Variants in TP53BP1 observed in about 807,000 individuals in gnomAD.
TP53BP1 encodes tumor protein p53 binding protein 1.
Under a neutral mutation model 200.8 loss-of-function variants are expected in TP53BP1, and 61 were observed. The observed-to-expected ratio is 0.30, with a 90% CI of 0.25 to 0.38. The LOEUF (loss-of-function observed/expected upper bound fraction) is 0.38, where lower values mean the gene tolerates loss of function less well. TP53BP1 is among the 10% of genes least tolerant of loss of function. TP53BP1 has a pLI of 1.00. For synonymous variants in TP53BP1, 822 were observed against 844.3 expected (o/e 0.97, Z 0.46); for missense variants, 2,144 against 2,371.9 (o/e 0.90, Z 2.00).
Position 43,407,310 on chromosome 15 carries a change from A to G in TP53BP1, c.*73T>C, listed in dbSNP as rs1246037857. On this transcript the variant is annotated 3_prime_UTR_variant, in exon 28 of 28. Transcript: ENST00000382044. Reference sequence around the variant, plus strand: ...CATGCAAGGAATCCAGTTACACACAAGACACATTTAAAACCTGGTTAAAAC... The same window carrying G: ...CATGCAAGGAATCCAGTTACACACAGGACACATTTAAAACCTGGTTAAAAC... 3.8e-6 allele frequency: 5 copies of G among 1,330,208 alleles called. No homozygotes were observed. In the South Asian group the frequency reaches 3.9e-5, roughly 10 times the overall value. The allele number at this position is 1,330,208 out of a possible 1,614,324, so 82.4% of individuals were successfully genotyped here. A position where few individuals can be genotyped will look rare whatever the true frequency, so the allele number is the denominator to read the frequency against.
Position 43,403,649 on chromosome 15 carries a change from T to G in TP53BP1, c.*3734A>C. 1 of 1,489,042 alleles carries G rather than the reference T, an allele frequency of 6.7e-7. No homozygotes were observed. The highest frequency in any genetic ancestry group is 9.3e-7 in the Non-Finnish European group (1 of 1,069,776). 92.2% of individuals were successfully genotyped at this position (1,489,042 alleles called of 1,614,324 possible). On this transcript the variant is annotated 3_prime_UTR_variant, in exon 28 of 28. Transcript: ENST00000382044. ...TTTAACTTCATGGATGTACCTTCCT[T>G]CCTTTCCTAATGCCAACTCTGTTTC...
chr15:43,431,443 C>T (rs2045668911), intron 17 of TP53BP1, among the ~76,000 whole-genome samples: 1 of 152,120 alleles, frequency 6.6e-6, no homozygotes, highest in Admixed American at 6.6e-5. Context: ...CAAGGTCTCA[C>T]TATGTTGCCC....
chr15:43,486,089 T>C (rs1007248903), intron 4 of TP53BP1, among the ~76,000 whole-genome samples: 6 of 151,136 alleles, frequency 4.0e-5, no homozygotes, highest in African/African-American at 7.3e-5. Context: ...AAAAAAAAAA[T>C]TGGGAGGGCC....
At chr15:43,498,235 G>T (rs1272805859) in intron 1 of TP53BP1, among the ~76,000 whole-genome samples, 1 of 152,094 alleles carries the variant, frequency 6.6e-6, no homozygotes, top group East Asian at 1.9e-4. Context: ...GTGAAAGAGG[G>T]TATATACATG....
Position 43,404,348 on chromosome 15 carries a change from C to T in TP53BP1, c.*3035G>A. 1 of 1,592,188 alleles carries T rather than the reference C, an allele frequency of 6.3e-7. No homozygotes were observed. Among genetic ancestry groups the T allele is most frequent in the Non-Finnish European group, 8.6e-7 (1 of 1,166,014 alleles). ...TTTCCAAGAAACTCCTCCCTCCGCC[C>T]CCATCCTCCATATGGAGAGTTGGTG... On this transcript the variant is annotated 3_prime_UTR_variant, in exon 28 of 28. Transcript: ENST00000382044.
At chr15:43,450,823 G>C (rs538203676) in intron 12 of TP53BP1, among the ~76,000 whole-genome samples, 149 of 145,108 alleles carry the variant, frequency 1.0e-3, no homozygotes, top group African/African-American at 4.1e-3. Context: ...TCCCCACTCA[G>C]AATCTCTACT....
At chr15:43,435,517 T>C (rs971938677) in intron 16 of TP53BP1, among the ~76,000 whole-genome samples, 2 of 152,122 alleles carry the variant, frequency 1.3e-5, no homozygotes, top group Non-Finnish European at 1.5e-5. Flanking sequence ...AATTTAGTAA[T>C]AGCTGGGTCA....
At chr15:43,433,240 C>T (rs1039175177) in intron 16 of TP53BP1, among the ~76,000 whole-genome samples, 2 of 152,104 alleles carry the variant, frequency 1.3e-5, no homozygotes, top group African/African-American at 4.8e-5. Flanking sequence ...GATATATCTA[C>T]AACTAAACAT....
intron 18 of TP53BP1, among the ~76,000 whole-genome samples, chr15:43,426,197 A>G (rs1312238939): frequency 6.6e-6 from 1 of 152,150 alleles, no homozygotes; most frequent in Non-Finnish European, 1.5e-5. Context: ...TAATCCCAGC[A>G]CTTTGGGAGG....
At chr15:43,504,707 CTGAA>C (rs1053679996) in intron 1 of TP53BP1, among the ~76,000 whole-genome samples, 2 of 152,140 alleles carry the variant, frequency 1.3e-5, no homozygotes, top group African/African-American at 4.8e-5. Flanking sequence ...TTCAGACTGA[CTGAA>C]TAAAAAGGTT....
Position 43,492,055 on chromosome 15 carries a change from C to A in TP53BP1, c.233G>T (p.Arg78Leu). The A allele has an allele frequency of 6.2e-7, 1 of 1,614,064 alleles. No homozygotes were observed. The highest frequency in any genetic ancestry group is 8.5e-7 in the Non-Finnish European group (1 of 1,179,930). The change falls in exon 3 of 28, where the codon CGA becomes CTA. Residue 78 changes from arginine (R) to leucine (L), a missense_variant. This residue lies in a region of TP53BP1 where 1,700 missense variants were observed against 1,710.3 expected (regional missense o/e 0.99). Coordinates refer to ENST00000382044, the MANE Select transcript of TP53BP1 (RefSeq NM_001141980.3). ...SNPEQTAGEE[R>L]GDGNSGFNEH... The stretch of plus-strand genomic sequence containing the variant: ...ATTGAACCCACTATTACCGTCTCCT[C>A]GTTCTTCTCCAGCTGTTTGTTCAGG...
chr15:43,407,682 T>C (rs1595513257), intron 27 of TP53BP1, 112 bp from the exon 28 acceptor site: 8 of 1,070,644 alleles, frequency 7.5e-6, no homozygotes, highest in Non-Finnish European at 1.1e-5. Flanking sequence ...ACCAAAGCCC[T>C]ATTATGTCAA....
intron 18 of TP53BP1, among the ~76,000 whole-genome samples, chr15:43,423,605 C>G (rs2045457078): frequency 6.6e-6 from 1 of 150,546 alleles, no homozygotes; most frequent in South Asian, 2.1e-4. Context: ...CTGCAGTGAG[C>G]TAAGATTGTG....
chr15:43,479,213 G>A (rs2078926849), intron 7 of TP53BP1, among the ~76,000 whole-genome samples, 184 bp downstream of exon 7: 1 of 152,126 alleles, frequency 6.6e-6, no homozygotes, highest in Non-Finnish European at 1.5e-5. Flanking sequence ...CAGACAGACA[G>A]ACAAAAAACA....
rs374045637 is a variant in TP53BP1 at position 43,469,655 on chromosome 15, TA to T, written c.1389+202del. ...AAAGACATTGTAAAAAGTTTAAACA[TA>T]AAAAAAAATCAAGATGTTAGGTGAC... On this transcript the variant is annotated intron_variant, in intron 11 of 27. Coordinates refer to ENST00000382044, the MANE Select transcript of TP53BP1 (RefSeq NM_001141980.3). 7.3e-3 allele frequency among the ~76,000 whole-genome samples: 1,111 copies of T among 151,692 alleles called. 12 individuals carry two copies. Among genetic ancestry groups the T allele is most frequent in the Non-Finnish European group, 7.6e-3 (518 of 67,826 alleles).
chr15:43,437,746 T>C (rs1303125080), intron 16 of TP53BP1, among the ~76,000 whole-genome samples: 1 of 152,316 alleles, frequency 6.6e-6, no homozygotes, highest in Middle Eastern at 3.4e-3. Flanking sequence ...CTATCCAGAA[T>C]ACACTATAGT....
Position 43,408,028 on chromosome 15 carries a change from C to G in TP53BP1, c.5661G>C (p.Gln1887His). 1 of 1,614,146 alleles carries G rather than the reference C, an allele frequency of 6.2e-7. No individual in the cohort carries two copies. Reference protein sequence around the residue: ...LKVLLVSDQQQNFLELWSEIL... With the variant: ...LKVLLVSDQQHNFLELWSEIL... ...TCTCAGACCAGAGCTCCAGGAAGTT[C>G]TGCTGTTGGTCTGATACCAAGAGTA... The change falls in exon 27 of 28, where the codon CAG (glutamine) becomes CAC (histidine). Residue 1887 changes from glutamine to histidine, a missense_variant. Coordinates refer to ENST00000382044, the MANE Select transcript of TP53BP1 (RefSeq NM_001141980.3).
In TP53BP1 at chr15:43,404,766, G is replaced by GAGAT. The variant is rs1362237032; in HGVS notation, c.*2613_*2616dup. ...ATAAAATACTAAAAAACCTGACAGT[G>GAGAT]AGATAGGTGTTAAGTCCTTTGCTAG... On this transcript the variant is annotated 3_prime_UTR_variant, in exon 28 of 28. Coordinates refer to ENST00000382044, the MANE Select transcript of TP53BP1 (RefSeq NM_001141980.3). 2 of 583,652 alleles carry GAGAT rather than the reference G, an allele frequency of 3.4e-6. No homozygotes were observed. Among genetic ancestry groups the GAGAT allele is most frequent in the Non-Finnish European group, 5.9e-6 (2 of 341,536 alleles). 36.2% of individuals were successfully genotyped at this position (583,652 alleles called of 1,614,324 possible). A position where few individuals can be genotyped will look rare whatever the true frequency, so the allele number is the denominator to read the frequency against.
At chr15:43,450,569 T>G (rs960537189) in intron 12 of TP53BP1, among the ~76,000 whole-genome samples, 4 of 152,192 alleles carry the variant, frequency 2.6e-5, no homozygotes. Flanking sequence ...CTGAACTCCT[T>G]ACAGTTTTTC....
Sources: gnomAD v4.1 joint callset for allele counts (sites outside exome capture counted in the v4.1 genomes callset) on GRCh38, gnomAD v4.1.1 for gene constraint, gnomAD v4.1.1 regional missense constraint, MANE v1.5 for transcripts, NCBI Gene and HGNC (gene_info 2026-07-23, HGNC 2026-07-21) for gene names.